The following TRIM45 variants were observed in gnomAD, a reference collection of about 807,000 sequenced individuals.
TRIM45 encodes the protein E3 ubiquitin-protein ligase TRIM45.
A neutral mutation model predicts 46.7 loss-of-function variants in TRIM45; 45 were observed. The observed-to-expected ratio is 0.96, with a 90% CI of 0.76 to 1.24. The LOEUF (loss-of-function observed/expected upper bound fraction) is 1.24. Among genes scored for constraint, TRIM45 ranks in the 50% most tolerant of loss-of-function variants. The pLI is 0.00. For missense variants in TRIM45, 680 were observed against 728.4 expected (o/e 0.93, Z 0.77); for synonymous variants, 259 against 285.8 (o/e 0.91, Z 0.94).
rs963327202 is a variant in TRIM45 at position 117,113,779 on chromosome 1, A to G, written c.1468-294T>C. 2.6e-5 allele frequency among the ~76,000 whole-genome samples: 4 copies of G among 152,218 alleles called. No homozygotes were observed. The highest frequency in any genetic ancestry group is 1.9e-4 in the East Asian group (1 of 5,198). Reference sequence around the variant, plus strand: ...TTCCATGTAGCTGAACCTGCTGGACACTGAAAGGAGTCACACAGTCAGCTC... The same window carrying G: ...TTCCATGTAGCTGAACCTGCTGGACGCTGAAAGGAGTCACACAGTCAGCTC... On this transcript the variant is annotated intron_variant, in intron 4 of 5. Transcript: ENST00000256649. This position sits in a 1 kb window ranked among gnomAD's most constrained non-coding sequence, Gnocchi z 4.0.
Position 117,115,552 on chromosome 1 carries a change from G to C in TRIM45, c.1467+23C>G. On this transcript the variant is annotated intron_variant, in intron 4 of 5. Transcript: ENST00000256649. This position sits in a 1 kb window ranked among gnomAD's most constrained non-coding sequence, Gnocchi z 4.2. ...AGACAGTAGAATCCAGGGAGCTCAG[G>C]GAAGCACGTGCACCAGTCTTACCTG... is the stretch of plus-strand genomic sequence containing the variant. 6.5e-7 allele frequency: 1 copy of C among 1,550,052 alleles called. No homozygotes were observed. The highest frequency in any genetic ancestry group is 8.9e-7 in the Non-Finnish European group (1 of 1,121,742).
Position 117,116,598 on chromosome 1 carries a change from T to C in TRIM45, c.1352+18A>G. ...CTCACTGCCTGTTATCCATGACACC[T>C]AATTGTGTCATACAAACCTGTCTTT... On this transcript the variant is annotated intron_variant, in intron 3 of 5. Coordinates refer to ENST00000256649, the MANE Select transcript of TRIM45 (RefSeq NM_025188.4). The surrounding 1 kb of genome is among the most constrained non-coding windows in gnomAD (Gnocchi z 4.6). The C allele has an allele frequency of 6.2e-7, 1 of 1,612,488 alleles. No homozygotes were observed. The highest frequency in any genetic ancestry group is 8.5e-7 in the Non-Finnish European group (1 of 1,179,412).
chr1:117,121,237 C>G lies in TRIM45; in HGVS notation c.-36G>C. The stretch of plus-strand genomic sequence containing the variant: ...TTTGTGACCAATATTAGAAAGGGCC[C>G]TGGGCAGTTCTACGATTTAGTAGCA... On this transcript the variant is annotated 5_prime_UTR_variant, in exon 1 of 6. Transcript: ENST00000256649. The surrounding 1 kb of genome is among the most constrained non-coding windows in gnomAD (Gnocchi z 4.2). 6.6e-7 allele frequency: 1 copy of G among 1,508,300 alleles called. No individual in the cohort carries two copies. Among genetic ancestry groups the G allele is most frequent in the Non-Finnish European group, 8.8e-7 (1 of 1,137,530 alleles). The allele number at this position is 1,508,300 out of a possible 1,614,324, so 93.4% of individuals were successfully genotyped here.
intron 1 of TRIM45, among the ~76,000 whole-genome samples, chr1:117,119,422 A>G (rs1650535622): frequency 6.6e-6 from 1 of 152,178 alleles, no homozygotes; most frequent in South Asian, 2.1e-4. Context: ...CCTGGCCAAC[A>G]TGGTGAAACC....
chr1:117,117,894 T>C lies in TRIM45; in HGVS notation c.1222+140A>G. On this transcript the variant is annotated intron_variant, in intron 2 of 5. Transcript: ENST00000256649. The surrounding 1 kb of genome is among the most constrained non-coding windows in gnomAD (Gnocchi z 4.9). ...CAGAAAGGGCAAAGGTGGGGGTCAC[T>C]GTCTTTCAGATCAGTTTATCTCCCC... The C allele has an allele frequency of 8.8e-7, 1 of 1,136,706 alleles. No individual in the cohort carries two copies. The highest frequency in any genetic ancestry group is 1.3e-6 in the Non-Finnish European group (1 of 799,336). 70.4% of individuals were successfully genotyped at this position (1,136,706 alleles called of 1,614,324 possible).
At position 117,116,342 on chromosome 1, in the gene TRIM45, TC is replaced by T. The variant is rs1204584754; in HGVS notation, c.1352+273del. ...TCGACCTCCTGGGCTCAAGGGATCC[TC>T]CCATCTCAGCCTCCTGAATAGCTGG... On this transcript the variant is annotated intron_variant, in intron 3 of 5. Coordinates refer to ENST00000256649, the MANE Select transcript of TRIM45 (RefSeq NM_025188.4). This position sits in a 1 kb window ranked among gnomAD's most constrained non-coding sequence, Gnocchi z 4.6. Among the ~76,000 whole-genome samples, 1 of 150,966 alleles carries T rather than the reference TC, an allele frequency of 6.6e-6. No individual in the cohort carries two copies. Among genetic ancestry groups the T allele is most frequent in the Admixed American group, 6.6e-5 (1 of 15,144 alleles).
At chr1:117,114,040 C>T (rs567730060) in intron 4 of TRIM45, among the ~76,000 whole-genome samples, 5 of 152,322 alleles carry the variant, frequency 3.3e-5, no homozygotes, top group African/African-American at 4.8e-5. Context: ...AGTAGAATGT[C>T]ACAACCACAA....
chr1:117,112,550 G>T, intron 5 of TRIM45, 97 bp from the exon 6 acceptor site: 2 of 1,195,650 alleles, frequency 1.7e-6, no homozygotes, highest in Non-Finnish European at 2.3e-6. Flanking sequence ...GCAACATGCA[G>T]ATTCATGGGA....
Position 117,121,394 on chromosome 1 carries a change from G to T in TRIM45, c.-193C>A. The T allele has an allele frequency of 1.6e-6, 1 of 628,006 alleles. No individual in the cohort carries two copies. Among genetic ancestry groups the T allele is most frequent in the South Asian group, 2.4e-5 (1 of 42,528 alleles). The allele number at this position is 628,006 out of a possible 1,614,324, so 38.9% of individuals were successfully genotyped here. On this transcript the variant is annotated 5_prime_UTR_variant, in exon 1 of 6. It adds an upstream start codon to the 5' untranslated region. Coordinates refer to ENST00000256649, the MANE Select transcript of TRIM45 (RefSeq NM_025188.4). This position sits in a 1 kb window ranked among gnomAD's most constrained non-coding sequence, Gnocchi z 4.2. ...AAGGAATCACCCACAGATCTACTCA[G>T]GAGGGCCCCCTCCTTTCCACTGCAT... is the stretch of plus-strand genomic sequence containing the variant.
chr1:117,122,891 C>CT (rs1650712155), upstream of TRIM45, among the ~76,000 whole-genome samples: 1 of 152,252 alleles, frequency 6.6e-6, no homozygotes, highest in South Asian at 2.1e-4. Context: ...TCACTGCTTT[C>CT]TTTGTTCATG....
In TRIM45 at chr1:117,116,686, C is replaced by G. The variant is rs750775744; in HGVS notation, c.1282G>C (p.Ala428Pro). ...CCTCCCCTGCCCATGATTTCTCCTG[C>G]GGCATCCTTACAAAGCAGGGTGAAA... Reference protein sequence around the residue: ...ASFTLLCKDAAGEIMGRGGDN... With the variant: ...ASFTLLCKDAPGEIMGRGGDN... The change falls in exon 3 of 6, where the codon GCA (alanine) becomes CCA (proline). Residue 428 changes from alanine to proline, a missense_variant. Physicochemically the swap from Ala to Pro is conservative, Grantham distance 27. Transcript: ENST00000256649. This position sits in a 1 kb window ranked among gnomAD's most constrained non-coding sequence, Gnocchi z 4.6. The G allele has an allele frequency of 8.1e-6, 13 of 1,614,094 alleles. No homozygotes were observed. Among genetic ancestry groups the G allele is most frequent in the Non-Finnish European group, 1.1e-5 (13 of 1,180,012 alleles).
In TRIM45 at chr1:117,117,509, A is replaced by T. The variant is rs755592; in HGVS notation, c.1222+525T>A. Among the ~76,000 whole-genome samples the T allele has an allele frequency of 6.6e-6, 1 of 152,010 alleles. No homozygotes were observed. Among genetic ancestry groups the T allele is most frequent in the African/African-American group, 2.4e-5 (1 of 41,348 alleles). ...ATTAGAAAGGGAACACTCGTTAAAA[A>T]AAACCATTTTTTCCCCCAATTAAAT... On this transcript the variant is annotated intron_variant, in intron 2 of 5. Transcript: ENST00000256649. The surrounding 1 kb of genome is among the most constrained non-coding windows in gnomAD (Gnocchi z 4.9).
At chr1:117,112,529 T>G in intron 5 of TRIM45, 76 bp from the exon 6 acceptor site, 1 of 1,377,954 alleles carries the variant, frequency 7.3e-7, no homozygotes, top group Non-Finnish European at 9.7e-7. Flanking sequence ...TCATGGAAAT[T>G]AGACCTCCTG....
Position 117,117,944 on chromosome 1 carries a change from G to A in TRIM45, c.1222+90C>T, listed in dbSNP as rs1185873426. 2 of 1,497,076 alleles carry A rather than the reference G, an allele frequency of 1.3e-6. No homozygotes were observed. The highest frequency in any genetic ancestry group is 2.6e-5 in the South Asian group (2 of 77,220). 92.7% of individuals were successfully genotyped at this position (1,497,076 alleles called of 1,614,324 possible). On this transcript the variant is annotated intron_variant, in intron 2 of 5. Transcript: ENST00000256649. The surrounding 1 kb of genome is among the most constrained non-coding windows in gnomAD (Gnocchi z 4.9). ...CACCTTTGGTAACCTGGTCAGTAGG[G>A]CATGCTTCCTAGCAGAACAAGCCAC... is the stretch of plus-strand genomic sequence containing the variant.
At chr1:117,121,893 C>G, upstream of TRIM45, 1 of 712,506 alleles carries the variant, frequency 1.4e-6, no homozygotes, top group South Asian at 1.5e-5. This position sits in a 1 kb window ranked among gnomAD's most constrained non-coding sequence, Gnocchi z 4.2. Flanking sequence ...TCCACATCTT[C>G]GCCAGTCCAC....
In TRIM45 at chr1:117,120,852, G is replaced by C. The variant is rs1356088709; in HGVS notation, c.350C>G (p.Ala117Gly). 1 of 1,614,132 alleles carries C rather than the reference G, an allele frequency of 6.2e-7. No homozygotes were observed. The highest frequency in any genetic ancestry group is 1.7e-5 in the Admixed American group (1 of 60,018). The change falls in exon 1 of 6, where the codon GCC (alanine) becomes GGC (glycine). Residue 117 changes from alanine to glycine, a missense_variant. Around this residue, in one of 3 missense-constraint regions of TRIM45, gnomAD observed 349 missense variants for 343.6 expected, o/e 1.02. Transcript: ENST00000256649. ...GVKALTIDHL[A>G]VNDVMLESLR... ...GCTCTCCAGCATCACATCATTCACG[G>C]CCAGGTGGTCTATGGTTAAAGCCTT...
In TRIM45 at chr1:117,112,122, T is replaced by A. The variant is rs1490036086; in HGVS notation, c.*183A>T. On this transcript the variant is annotated 3_prime_UTR_variant, in exon 6 of 6. Coordinates refer to ENST00000256649, the MANE Select transcript of TRIM45 (RefSeq NM_025188.4). The stretch of plus-strand genomic sequence containing the variant: ...TTAAGAGAAATGTAGAGGTGGTTTT[T>A]TGTGCTCAACCATCCACAAGTACAA... 1 of 589,678 alleles carries A rather than the reference T, an allele frequency of 1.7e-6. No homozygotes were observed. Among genetic ancestry groups the A allele is most frequent in the South Asian group, 4.9e-5 (1 of 20,552 alleles). 36.5% of individuals were successfully genotyped at this position (589,678 alleles called of 1,614,324 possible). A position where few individuals can be genotyped will look rare whatever the true frequency, so the allele number is the denominator to read the frequency against.
chr1:117,113,277 A>G lies in TRIM45; in HGVS notation c.1594+82T>C, dbSNP rs201824309. ...AAACAGAGCCTAAGTCCAAATGTCT[A>G]GTGGCTGTGTGGTAGGGAAGGGCCC... On this transcript the variant is annotated intron_variant, in intron 5 of 5. Coordinates refer to ENST00000256649, the MANE Select transcript of TRIM45 (RefSeq NM_025188.4). The surrounding 1 kb of genome is among the most constrained non-coding windows in gnomAD (Gnocchi z 4.0). 2 of 1,552,904 alleles carry G rather than the reference A, an allele frequency of 1.3e-6. No individual in the cohort carries two copies. Among genetic ancestry groups the G allele is most frequent in the African/African-American group, 1.4e-5 (1 of 73,874 alleles).
In TRIM45 at chr1:117,121,746, T is replaced by C. The variant is rs567529732; in HGVS notation, c.-545A>G. The C allele has an allele frequency of 2.3e-5, 15 of 653,790 alleles. No homozygotes were observed. Among genetic ancestry groups the C allele is most frequent in the African/African-American group, 7.5e-5 (4 of 52,990 alleles). 40.5% of individuals were successfully genotyped at this position (653,790 alleles called of 1,614,324 possible). A position where few individuals can be genotyped will look rare whatever the true frequency, so the allele number is the denominator to read the frequency against. ...CTCGGCCCGGGACGCCCGCGGGCTC[T>C]GGCCCCTCCTCACACCAATCCCAGC... On this transcript the variant is annotated 5_prime_UTR_variant, in exon 1 of 6. Coordinates refer to ENST00000256649, the MANE Select transcript of TRIM45 (RefSeq NM_025188.4). This position sits in a 1 kb window ranked among gnomAD's most constrained non-coding sequence, Gnocchi z 4.2.
Sources: gnomAD v4.1 joint callset for allele counts (sites outside exome capture counted in the v4.1 genomes callset) on GRCh38, gnomAD v4.1.1 for gene constraint, gnomAD v4.1.1 regional missense constraint, Gnocchi (gnomAD v3.1) non-coding constraint, MANE v1.5 for transcripts, NCBI Gene and HGNC (gene_info 2026-07-23, HGNC 2026-07-21) for gene names.